CANX: variants seen among roughly 807,000 people sequenced by gnomAD.
The protein encoded by CANX is calnexin, also known as epididymis secretory sperm binding protein.
Under a neutral mutation model 75.7 loss-of-function variants are expected in CANX, and 14 were observed. The observed-to-expected ratio is 0.19, with a 90% CI of 0.12 to 0.29. CANX has a LOEUF of 0.29. Among genes scored for constraint, CANX ranks in the 10% least tolerant of loss-of-function variants. CANX has a pLI of 1.00. For synonymous variants in CANX, 227 were observed against 236.9 expected (o/e 0.96, Z 0.38); for missense variants, 567 against 713.2 (o/e 0.79, Z 2.34).
intron 1 of CANX, among the ~76,000 whole-genome samples, chr5:179,686,162 A>G (rs1366683995): frequency 2.9e-5 from 4 of 140,154 alleles, no homozygotes; most frequent in South Asian, 5.0e-4. Context: ...CAATGGCTCA[A>G]TCTTGGCTCA....
chr5:179,691,242 C>T (rs1776294207), intron 1 of CANX, among the ~76,000 whole-genome samples: 1 of 151,980 alleles, frequency 6.6e-6, no homozygotes, highest in Admixed American at 6.6e-5. Flanking sequence ...CCAGGCTGGT[C>T]TCGAACTCCT....
intron 9 of CANX, 57 bp downstream of exon 9, chr5:179,719,838 T>G (rs1778193510): frequency 2.0e-6 from 2 of 986,972 alleles, no homozygotes; most frequent in Non-Finnish European, 3.1e-6. Context: ...GTTTTTTTTT[T>G]TGAGATGGAG....
chr5:179,723,631 C>A (rs778792910), intron 11 of CANX, 29 bp from the exon 12 acceptor site: 3 of 1,604,712 alleles, frequency 1.9e-6, no homozygotes, highest in Middle Eastern at 1.7e-4. Flanking sequence ...AAAGCTGGAA[C>A]TTTCAATCAG....
chr5:179,679,141 G>C (rs1775984073), intron 1 of CANX: 1 of 1,535,518 alleles, frequency 6.5e-7, no homozygotes, highest in African/African-American at 1.4e-5. Context: ...AGGTTGCCAG[G>C]GCGTGGACCT....
At chr5:179,699,631 C>T (rs13182141) in intron 1 of CANX, 66,894 of 152,082 alleles carry the variant, frequency 0.44, 16,343 homozygotes, top group South Asian at 0.6. Flanking sequence ...AAGGAGAACA[C>T]GCAGTGGTTG....
chr5:179,692,564 G>T (rs1159584901), intron 1 of CANX, among the ~76,000 whole-genome samples: 1 of 152,116 alleles, frequency 6.6e-6, no homozygotes, highest in Non-Finnish European at 1.5e-5. Flanking sequence ...TTGCTCTGTT[G>T]CCCAGGCTAG....
chr5:179,726,558 A>C (rs1276245166), intron 13 of CANX, 122 bp from the exon 14 acceptor site: 2 of 621,562 alleles, frequency 3.2e-6, no homozygotes, highest in African/African-American at 3.7e-5. Context: ...CCTGGGCGAC[A>C]GAGCAAGACT....
At chr5:179,698,644 AC>A, upstream of CANX, 1 of 1,215,650 alleles carries the variant, frequency 8.2e-7, no homozygotes, top group Non-Finnish European at 1.1e-6. Flanking sequence ...CCCCGAAGGC[AC>A]CACAGCAACC....
At chr5:179,703,614 T>C (rs1237224444) in intron 1 of CANX, among the ~76,000 whole-genome samples, 1 of 152,086 alleles carries the variant, frequency 6.6e-6, no homozygotes, top group Non-Finnish European at 1.5e-5. Flanking sequence ...AATTTTTCTT[T>C]TTTTGATTTT....
chr5:179,709,379 A>G (rs1205001074), intron 6 of CANX, among the ~76,000 whole-genome samples: 1 of 151,468 alleles, frequency 6.6e-6, no homozygotes, highest in Non-Finnish European at 1.5e-5. Flanking sequence ...GCGCCACTGC[A>G]CTCCAGCCTG....
chr5:179,679,274 C>T, intron 1 of CANX: 1 of 1,516,338 alleles, frequency 6.6e-7, no homozygotes, highest in Non-Finnish European at 8.8e-7. Context: ...TGCTGGGAGA[C>T]AAGAGTCCGG....
At chr5:179,706,849 C>T (rs982289575) in intron 3 of CANX, among the ~76,000 whole-genome samples, 8 of 152,136 alleles carry the variant, frequency 5.3e-5, no homozygotes, top group African/African-American at 1.9e-4. Flanking sequence ...TTCTTTCCCT[C>T]CCCCACTCTA....
intron 10 of CANX, 91 bp from the exon 11 acceptor site, chr5:179,722,713 T>C: frequency 1.3e-6 from 1 of 776,506 alleles, no homozygotes; most frequent in Non-Finnish European, 2.1e-6. Flanking sequence ...TTCTCTCCAT[T>C]GTTCATGCAA....
intron 1 of CANX, among the ~76,000 whole-genome samples, chr5:179,699,937 C>A (rs1366123684): frequency 1.3e-5 from 2 of 152,250 alleles, no homozygotes; most frequent in East Asian, 3.9e-4. Context: ...TTTGTGCCCC[C>A]GTTCTTGTCA....
chr5:179,684,938 T>G (rs1326846064), intron 1 of CANX, among the ~76,000 whole-genome samples: 2 of 135,562 alleles, frequency 1.5e-5, no homozygotes, highest in Non-Finnish European at 3.1e-5. Flanking sequence ...TTTTTTTTTT[T>G]TTTTTTTTTT....
At chr5:179,716,736 A>C (rs1245575058) in intron 8 of CANX, among the ~76,000 whole-genome samples, 3 of 152,242 alleles carry the variant, frequency 2.0e-5, no homozygotes, top group Non-Finnish European at 4.4e-5. Context: ...ATCTGCCTAC[A>C]CAGAGCTTGA....
chr5:179,722,974 C>A lies in CANX; in HGVS notation c.1353C>A (p.Ala451=). 1.2e-6 allele frequency: 2 copies of A among 1,614,066 alleles called. No homozygotes were observed. Among genetic ancestry groups the A allele is most frequent in the Non-Finnish European group, 1.7e-6 (2 of 1,180,014 alleles). ...CADRRIVDDW[A]NDGWGLKKAA... ...ATCGAAGAATAGTTGATGATTGGGC[C>A]AATGATGGATGGGGCCTGAAGAAAG... The change falls in exon 11 of 15, where the codon GCC becomes GCA. Residue 451 remains alanine, a synonymous_variant. Transcript: ENST00000247461.
rs776896303 is a variant in CANX, at chr5:179,709,073, A to C, written c.528+14A>C. The C allele has an allele frequency of 2.0e-6, 3 of 1,468,830 alleles. No individual in the cohort carries two copies. The highest frequency in any genetic ancestry group is 2.3e-5 in the South Asian group (2 of 88,124). The allele number at this position is 1,468,830 out of a possible 1,614,324, so 91.0% of individuals were successfully genotyped here. On this transcript the variant is annotated intron_variant, in intron 6 of 14. Coordinates refer to ENST00000247461, the MANE Select transcript of CANX (RefSeq NM_001746.4). ...GAACTCAACCTGGTATGTAATTCCC[A>C]TTTCTGGAATGTGGCTGGACACCCA... is the stretch of plus-strand genomic sequence containing the variant.
At chr5:179,724,303 G>C (rs1415120271) in intron 12 of CANX, among the ~76,000 whole-genome samples, 6 of 151,918 alleles carry the variant, frequency 3.9e-5, no homozygotes, top group Admixed American at 3.3e-4. Flanking sequence ...TGCTAAATGA[G>C]GATTATGCTT....
Sources: gnomAD v4.1 joint callset for allele counts (sites outside exome capture counted in the v4.1 genomes callset) on GRCh38, gnomAD v4.1.1 for gene constraint, MANE v1.5 for transcripts, NCBI Gene and HGNC (gene_info 2026-07-23, HGNC 2026-07-21) for gene names.